The following SUPT3H variants were observed in gnomAD, a reference collection of about 807,000 sequenced individuals.
SUPT3H encodes the protein transcription initiation protein SPT3 homolog.
SUPT3H carries 44 observed loss-of-function variants against 44.3 expected under a neutral mutation model. That is an observed-to-expected ratio of 0.99 (90% CI 0.78 to 1.28). The LOEUF (loss-of-function observed/expected upper bound fraction) is 1.28. SUPT3H is among the 50% of genes most tolerant of loss of function. The pLI, the probability that SUPT3H is intolerant of heterozygous loss-of-function variation, is 0.00. For missense variants in SUPT3H, 380 were observed against 387.1 expected, an observed-to-expected ratio of 0.98 and a Z score of 0.15; for synonymous variants, 124 against 125.6, an observed-to-expected ratio of 0.99 and a Z score of 0.09.
At chr6:45,225,308 A>G (rs1386921151) in intron 2 of SUPT3H, among the ~76,000 whole-genome samples, 1 of 151,668 alleles carries the variant, frequency 6.6e-6, no homozygotes, top group African/African-American at 2.4e-5. Context: ...CAATAAAAAT[A>G]TACAATCTAT....
intron 10 of SUPT3H, among the ~76,000 whole-genome samples, chr6:44,909,761 C>G (rs1308245069): frequency 6.6e-6 from 1 of 152,132 alleles, no homozygotes; most frequent in Non-Finnish European, 1.5e-5. Context: ...AGGCCCAGGG[C>G]TCTTCCCATT....
intron 7 of SUPT3H, among the ~76,000 whole-genome samples, chr6:44,955,919 G>C (rs1301974222): frequency 6.6e-6 from 1 of 151,656 alleles, no homozygotes; most frequent in Non-Finnish European, 1.5e-5. Context: ...AGGAGATCGA[G>C]ACCATCCTGG....
chr6:45,115,363 C>T (rs1164155276), intron 2 of SUPT3H, among the ~76,000 whole-genome samples: 1 of 152,052 alleles, frequency 6.6e-6, no homozygotes, highest in African/African-American at 2.4e-5. Context: ...CAACATTTTT[C>T]AGATTGACAG....
At chr6:45,104,740 A>C (rs1799044697) in intron 3 of SUPT3H, among the ~76,000 whole-genome samples, 1 of 152,080 alleles carries the variant, frequency 6.6e-6, no homozygotes, top group African/African-American at 2.4e-5. Context: ...TGTGAAGCTA[A>C]AAGAAGAAAA....
At chr6:44,891,478 A>C (rs559570282) in intron 10 of SUPT3H, among the ~76,000 whole-genome samples, 1 of 152,300 alleles carries the variant, frequency 6.6e-6, no homozygotes, top group South Asian at 2.1e-4. Context: ...AAATATTATG[A>C]GTGAAATAAG....
chr6:44,824,896 G>C (rs1244950264), downstream of SUPT3H, among the ~76,000 whole-genome samples: 1 of 152,094 alleles, frequency 6.6e-6, no homozygotes, highest in Non-Finnish European at 1.5e-5. Flanking sequence ...TGTCAGGCTG[G>C]GAAAAACTAT....
At chr6:45,160,997 G>C (rs1287375774) in intron 2 of SUPT3H, among the ~76,000 whole-genome samples, 1 of 152,026 alleles carries the variant, frequency 6.6e-6, no homozygotes, top group Non-Finnish European at 1.5e-5. Context: ...TGCTGTCCTT[G>C]AAATAGTGAG....
chr6:45,319,214 A>G (rs2150026792), intron 2 of SUPT3H, among the ~76,000 whole-genome samples: 1 of 152,222 alleles, frequency 6.6e-6, no homozygotes, highest in South Asian at 2.1e-4. Context: ...TTATAATTAA[A>G]TAGGTGTCTT....
chr6:45,294,292 A>G (rs1357468168), intron 2 of SUPT3H, among the ~76,000 whole-genome samples: 1 of 152,238 alleles, frequency 6.6e-6, no homozygotes, highest in Non-Finnish European at 1.5e-5. Context: ...CTTTATGATT[A>G]AAACTCTTGG....
At chr6:45,245,913 T>G (rs1771257314) in intron 2 of SUPT3H, among the ~76,000 whole-genome samples, 1 of 152,168 alleles carries the variant, frequency 6.6e-6, no homozygotes, top group Non-Finnish European at 1.5e-5. Context: ...TGCAGAAGTG[T>G]TCTAATTTGT....
At chr6:44,964,734 GT>G (rs2153479365) in intron 6 of SUPT3H, among the ~76,000 whole-genome samples, 2 of 152,168 alleles carry the variant, frequency 1.3e-5, no homozygotes, top group South Asian at 4.2e-4. Flanking sequence ...TGACCCTAGG[GT>G]ATATATAAGA....
chr6:45,232,336 G>A (rs573438721), intron 2 of SUPT3H, among the ~76,000 whole-genome samples: 1 of 152,314 alleles, frequency 6.6e-6, no homozygotes, highest in East Asian at 1.9e-4. Context: ...AGTGGTATCT[G>A]TGCTTTCCCT....
intron 2 of SUPT3H, among the ~76,000 whole-genome samples, chr6:45,116,637 G>T (rs995289020): frequency 6.6e-6 from 1 of 152,054 alleles, no homozygotes; most frequent in Non-Finnish European, 1.5e-5. Context: ...TACATGACAG[G>T]TCTTCAAAAG....
intron 3 of SUPT3H, among the ~76,000 whole-genome samples, chr6:45,059,405 T>A: frequency 6.6e-6 from 1 of 152,006 alleles, no homozygotes; most frequent in Non-Finnish European, 1.5e-5. Context: ...TGTTAAAAAC[T>A]CCCAATAAAC....
At chr6:45,027,091 T>C (rs974084557) in intron 3 of SUPT3H, among the ~76,000 whole-genome samples, 1 of 147,790 alleles carries the variant, frequency 6.8e-6, no homozygotes, top group East Asian at 2.2e-4. Flanking sequence ...CTAGGCACTA[T>C]AGATCCTTCC....
intron 2 of SUPT3H, among the ~76,000 whole-genome samples, chr6:45,220,327 C>T (rs1295704737): frequency 6.6e-6 from 1 of 151,606 alleles, no homozygotes; most frequent in Non-Finnish European, 1.5e-5. Context: ...TAAAGCAATG[C>T]AAACAATCAC....
intron 2 of SUPT3H, among the ~76,000 whole-genome samples, chr6:45,144,241 G>C (rs1805678528): frequency 1.3e-5 from 2 of 151,906 alleles, no homozygotes; most frequent in African/African-American, 4.8e-5. Context: ...GACATAACAA[G>C]AAAAGTGAAC....
chr6:44,845,589 C>T (rs888977892), intron 10 of SUPT3H, among the ~76,000 whole-genome samples: 1 of 152,144 alleles, frequency 6.6e-6, no homozygotes, highest in Non-Finnish European at 1.5e-5. Context: ...TTTCCCAAGA[C>T]CACCCTGGTC....
chr6:45,015,830 C>T (rs1003670428), intron 4 of SUPT3H, among the ~76,000 whole-genome samples: 10 of 151,676 alleles, frequency 6.6e-5, no homozygotes, highest in Non-Finnish European at 1.5e-4. Context: ...CCTATGCCTA[C>T]ATAGGGTCAG....
Sources: gnomAD v4.1 joint callset for allele counts (sites outside exome capture counted in the v4.1 genomes callset) on GRCh38, gnomAD v4.1.1 for gene constraint, MANE v1.5 for transcripts, NCBI Gene and HGNC (gene_info 2026-07-23, HGNC 2026-07-21) for gene names.